Variants in DST observed in about 807,000 individuals in gnomAD.
The protein encoded by DST is bullous pemphigoid antigen.
Under a neutral mutation model 875.2 loss-of-function variants are expected in DST, and 253 were observed. The observed-to-expected ratio is 0.29, with a 90% CI of 0.26 to 0.32. DST has a LOEUF of 0.32. Among genes scored for constraint, DST ranks in the 10% least tolerant of loss-of-function variants. The pLI is 1.00. For missense variants in DST, 8,287 were observed against 9,111.6 expected (o/e 0.91, Z 3.68); for synonymous variants, 3,124 against 3,197.1 (o/e 0.98, Z 0.77).
rs1392776681 is a variant in DST, at chr6:56,632,988, T to G, written c.3671A>C (p.Gln1224Pro). The G allele has an allele frequency of 6.2e-7, 1 of 1,613,922 alleles. No individual in the cohort carries two copies. Among genetic ancestry groups the G allele is most frequent in the African/African-American group, 1.3e-5 (1 of 74,916 alleles). Residue 1224 changes from glutamine (Q) to proline (P), a missense_variant, in exon 28 of 104, where the codon CAA (glutamine) becomes CCA (proline). Around this residue, in one of 10 missense-constraint regions of DST, gnomAD observed 3,138 missense variants for 3,116.6 expected, o/e 1.01. Coordinates refer to ENST00000680361, the MANE Select transcript of DST (RefSeq NM_001374736.1). ...GEHQQVLSNLQSRFEDFLEDS... is the reference protein window; with the variant it reads ...GEHQQVLSNLPSRFEDFLEDS... ...TTCCAGAAAATCTTCAAAACGAGAT[T>G]GTAGATTACTTAGAACTTGCTGATG...
chr6:56,621,463 T>C (rs997038028), intron 36 of DST, among the ~76,000 whole-genome samples: 1 of 152,230 alleles, frequency 6.6e-6, no homozygotes, highest in Non-Finnish European at 1.5e-5. Context: ...ACTCACAGAT[T>C]TTGTTGCTGT....
intron 5 of DST, among the ~76,000 whole-genome samples, chr6:56,712,022 C>T (rs1376265554): frequency 7.0e-6 from 1 of 143,734 alleles, no homozygotes; most frequent in Non-Finnish European, 1.5e-5. Context: ...ACCCGGGAGG[C>T]GGAGCTTGCA....
At chr6:56,783,075 T>C (rs1181837036) in intron 4 of DST, among the ~76,000 whole-genome samples, 3 of 152,240 alleles carry the variant, frequency 2.0e-5, no homozygotes, top group African/African-American at 7.2e-5. Context: ...TTGATTGCAC[T>C]GTGGTCTGAG....
chr6:56,603,698 G>C lies in DST; in HGVS notation c.10807C>G (p.Gln3603Glu). ...TTTTCAGTGTGCTGTAAACACTGCT[G>C]TAATTCACTGGAAAACTAAAAACAA... ...SSTEQFSSEL[Q>E]QCLQHTEKMH... is the part of the protein sequence containing the mutation. The change falls in exon 41 of 104, where the codon CAG becomes GAG. Residue 3603 changes from glutamine to glutamate, a missense_variant. Physicochemically the swap from Gln to Glu is conservative, Grantham distance 29. Transcript: ENST00000680361. 1 of 1,595,966 alleles carries C rather than the reference G, an allele frequency of 6.3e-7. No individual in the cohort carries two copies. The highest frequency in any genetic ancestry group is 8.5e-7 in the Non-Finnish European group (1 of 1,174,308).
rs1325469081 is a variant in DST at position 56,605,480 on chromosome 6, T to C, written c.9148A>G (p.Ile3050Val). 1.2e-6 allele frequency: 2 copies of C among 1,612,996 alleles called. No individual in the cohort carries two copies. Among genetic ancestry groups the C allele is most frequent in the Non-Finnish European group, 1.7e-6 (2 of 1,179,328 alleles). Reference protein sequence around the residue: ...SDILIEDETSIQKMYLGEGEV... With the variant: ...SDILIEDETSVQKMYLGEGEV... ...CCTTCACCCAAGTACATTTTCTGAA[T>C]TGATGTTTCATCTTCTATTAGAATA... Residue 3050 changes from isoleucine (I) to valine (V), a missense_variant, in exon 40 of 104, where the codon ATT (isoleucine) becomes GTT (valine). Physicochemically the swap from Ile to Val is conservative, Grantham distance 29. This residue lies in a region of DST where 3,138 missense variants were observed against 3,116.6 expected (regional missense o/e 1.01). Coordinates refer to ENST00000680361, the MANE Select transcript of DST (RefSeq NM_001374736.1).
intron 9 of DST, among the ~76,000 whole-genome samples, chr6:56,695,915 A>G (rs1195004928): frequency 6.6e-6 from 1 of 152,260 alleles, no homozygotes; most frequent in East Asian, 1.9e-4. Context: ...TACCACTGCT[A>G]TAAATCTTTA....
chr6:56,507,112 A>C (rs917329529), intron 75 of DST, among the ~76,000 whole-genome samples: 6 of 152,230 alleles, frequency 3.9e-5, no homozygotes, highest in African/African-American at 1.4e-4. Flanking sequence ...TTTCCAAACC[A>C]ATATACATTT....
intron 4 of DST, among the ~76,000 whole-genome samples, chr6:56,831,547 G>A (rs556791310): frequency 2.0e-5 from 3 of 152,026 alleles, no homozygotes; most frequent in East Asian, 3.9e-4. Flanking sequence ...CTGGATGCTC[G>A]TATCACTCCT....
intron 4 of DST, among the ~76,000 whole-genome samples, chr6:56,784,768 G>A (rs2099701630): frequency 6.6e-6 from 1 of 152,216 alleles, no homozygotes; most frequent in Non-Finnish European, 1.5e-5. Context: ...TTGCTGGTGA[G>A]GAACTGCGTT....
chr6:56,699,943 A>G (rs2099287738), intron 8 of DST, among the ~76,000 whole-genome samples, 198 bp from the exon 9 acceptor site: 1 of 152,366 alleles, frequency 6.6e-6, no homozygotes, highest in East Asian at 1.9e-4. Flanking sequence ...ACAAAGAAAG[A>G]GCAAGTATTA....
At chr6:56,587,560 A>C (rs2098181164) in intron 49 of DST, among the ~76,000 whole-genome samples, 1 of 152,178 alleles carries the variant, frequency 6.6e-6, no homozygotes, top group African/African-American at 2.4e-5. Flanking sequence ...AATACAGAGA[A>C]TGCCACAAAG....
chr6:56,793,422 G>A (rs371722018), intron 4 of DST, among the ~76,000 whole-genome samples: 1 of 152,132 alleles, frequency 6.6e-6, no homozygotes, highest in East Asian at 1.9e-4. Context: ...AGTGAACTAA[G>A]GTGACAGGTA....
intron 3 of DST, among the ~76,000 whole-genome samples, chr6:56,889,496 T>A (rs1028255097): frequency 6.6e-6 from 1 of 152,212 alleles, no homozygotes; most frequent in Non-Finnish European, 1.5e-5. Flanking sequence ...GCTAAGATTT[T>A]GCCAGCAGGG....
intron 3 of DST, among the ~76,000 whole-genome samples, chr6:56,888,911 A>C (rs547927734): frequency 6.6e-6 from 1 of 152,170 alleles, no homozygotes; most frequent in Non-Finnish European, 1.5e-5. Context: ...GGAAGGGAAA[A>C]TCTAATGAGT....
rs929169175 is a variant in DST, at chr6:56,790,204, T to A, written c.626-54915A>T. Among the ~76,000 whole-genome samples the A allele has an allele frequency of 5.9e-5, 9 of 151,888 alleles. No homozygotes were observed. In the South Asian group the frequency reaches 8.4e-4, roughly 14 times the overall value. On this transcript the variant is annotated intron_variant, in intron 4 of 103. Transcript: ENST00000680361. ...TCTTGCCAGAAAGCAAAAAAAAAAA[T>A]TTTTAACTGTCCAATCATCTGTGAT...
intron 23 of DST, 68 bp from the exon 24 acceptor site, chr6:56,635,782 C>A: frequency 1.3e-6 from 2 of 1,554,714 alleles, no homozygotes; most frequent in Non-Finnish European, 1.8e-6. Context: ...TTGTCACACT[C>A]CAATACCAAG....
At chr6:56,902,151 T>C (rs1408550714) in intron 2 of DST, among the ~76,000 whole-genome samples, 1 of 152,032 alleles carries the variant, frequency 6.6e-6, no homozygotes, top group African/African-American at 2.4e-5. Context: ...ATGGGTGGAG[T>C]ATTTACAACA....
rs1451947061 is a variant in DST, at chr6:56,648,551, T to G, written c.1554+19A>C. ...TTACAATTGAATCAATCCTATGTAA[T>G]TTCTACAGTGACACTAACCTTCAGT... On this transcript the variant is annotated intron_variant, in intron 13 of 103. Coordinates refer to ENST00000680361, the MANE Select transcript of DST (RefSeq NM_001374736.1). 7 of 1,553,826 alleles carry G rather than the reference T, an allele frequency of 4.5e-6. No individual in the cohort carries two copies. The South Asian group carries it at 6.0e-5, about 13-fold the overall frequency.
chr6:56,614,546 A>G (rs2152726063), intron 36 of DST, 62 bp from the exon 37 acceptor site: 2 of 1,452,486 alleles, frequency 1.4e-6, no homozygotes, highest in South Asian at 1.6e-5. Context: ...TATTAAACTG[A>G]CCTCTCCATA....
Sources: gnomAD v4.1 joint callset for allele counts (sites outside exome capture counted in the v4.1 genomes callset) on GRCh38, gnomAD v4.1.1 for gene constraint, gnomAD v4.1.1 regional missense constraint, MANE v1.5 for transcripts, NCBI Gene and HGNC (gene_info 2026-07-23, HGNC 2026-07-21) for gene names.